Variants in MSANTD1 observed in about 807,000 individuals in gnomAD.
MSANTD1 encodes the protein myb/SANT-like DNA-binding domain-containing protein 1.
Under a neutral mutation model 24.2 loss-of-function variants are expected in MSANTD1, and 7 were observed. That is an observed-to-expected ratio of 0.29 (90% CI 0.16 to 0.54). The LOEUF is 0.54. MSANTD1 is among the 20% of genes least tolerant of loss of function. The probability of loss-of-function intolerance (pLI) is 0.94; values close to 1 mark genes in which losing one functional copy is unlikely to be tolerated. For missense variants in MSANTD1, 384 were observed against 408.2 expected (o/e 0.94, Z 0.51); for synonymous variants, 177 against 181.1 (o/e 0.98, Z 0.18).
chr4:3,253,059 G>T, intron 1 of MSANTD1, 148 bp from the exon 2 acceptor site: 1 of 704,190 alleles, frequency 1.4e-6, no homozygotes. Flanking sequence ...TGACCCTGGA[G>T]CCTGGCCGAT....
chr4:3,245,726 C>T (rs1578628254), upstream of MSANTD1, among the ~76,000 whole-genome samples: 1 of 152,360 alleles, frequency 6.6e-6, no homozygotes, highest in Non-Finnish European at 1.5e-5. Context: ...GCAGCCCCAG[C>T]AGCCTGGCTG....
At chr4:3,245,746 C>T (rs1722005681), upstream of MSANTD1, among the ~76,000 whole-genome samples, 1 of 152,228 alleles carries the variant, frequency 6.6e-6, no homozygotes, top group South Asian at 2.1e-4. Flanking sequence ...GCCTTTTGGG[C>T]AAGTGGCTTG....
At chr4:3,252,276 C>T (rs1406684580) in intron 1 of MSANTD1, among the ~76,000 whole-genome samples, 1 of 152,238 alleles carries the variant, frequency 6.6e-6, no homozygotes, top group Non-Finnish European at 1.5e-5. Context: ...CGCCATGGGG[C>T]CCTGTGTCTC....
chr4:3,250,919 C>G (rs80128902), intron 1 of MSANTD1, among the ~76,000 whole-genome samples: 2,828 of 152,372 alleles, frequency 0.019, 93 homozygotes, highest in African/African-American at 0.065. Context: ...CCGGACAGAC[C>G]GCCAGCCTGT....
chr4:3,255,995 G>T lies in MSANTD1; in HGVS notation c.*30G>T. The T allele has an allele frequency of 6.8e-7, 1 of 1,481,336 alleles. No individual in the cohort carries two copies. Among genetic ancestry groups the T allele is most frequent in the Non-Finnish European group, 8.9e-7 (1 of 1,117,814 alleles). 91.8% of individuals were successfully genotyped at this position (1,481,336 alleles called of 1,614,324 possible). Reference sequence around the variant, plus strand: ...GCAGGCGGCGGCGGCGGCGGGGCCGGGCGGCTGGTGGTACTGCTCAGGCCA... The same window carrying T: ...GCAGGCGGCGGCGGCGGCGGGGCCGTGCGGCTGGTGGTACTGCTCAGGCCA... On this transcript the variant is annotated 3_prime_UTR_variant, in exon 3 of 3. Coordinates refer to ENST00000438480, the MANE Select transcript of MSANTD1 (RefSeq NM_001042690.2).
In MSANTD1 at chr4:3,255,734, G is replaced by A; in HGVS notation, c.606G>A (p.Glu202=). 3 of 1,540,936 alleles carry A rather than the reference G, an allele frequency of 1.9e-6. No homozygotes were observed. The highest frequency in any genetic ancestry group is 2.6e-6 in the Non-Finnish European group (3 of 1,143,244). ...GGCACTGTCCTTCCAGGTCGGAGGA[G>A]CGGCCGGTGAAGAAGCGCAAGGTGC... is the stretch of plus-strand genomic sequence containing the variant. The part of the protein sequence containing the change: ...SLLSLKFRSE[E]RPVKKRKVQS... The change falls in exon 3 of 3, where the codon GAG becomes GAA. Residue 202 remains glutamate, a synonymous_variant. Coordinates refer to ENST00000438480, the MANE Select transcript of MSANTD1 (RefSeq NM_001042690.2).
At chr4:3,247,037 G>A (rs1000360138), upstream of MSANTD1, among the ~76,000 whole-genome samples, 2 of 152,142 alleles carry the variant, frequency 1.3e-5, no homozygotes, top group Admixed American at 1.3e-4. Context: ...GGCAGTGGTG[G>A]TGGTGTCCAC....
At chr4:3,253,977 T>TC (rs1367623937) in intron 2 of MSANTD1, among the ~76,000 whole-genome samples, 12 of 152,132 alleles carry the variant, frequency 7.9e-5, no homozygotes, top group Non-Finnish European at 1.5e-5. Flanking sequence ...GCATGACCCG[T>TC]CCCCTCTGCC....
chr4:3,247,422 T>G (rs1722064843), upstream of MSANTD1: 1 of 152,216 alleles, frequency 6.6e-6, no homozygotes. Flanking sequence ...GAAAGGGCAT[T>G]CGGACCGGTC....
intron 2 of MSANTD1, among the ~76,000 whole-genome samples, chr4:3,253,955 G>A (rs527480921): frequency 5.3e-5 from 8 of 152,198 alleles, no homozygotes; most frequent in African/African-American, 9.6e-5. Context: ...ACCTCATCAC[G>A]TGTTGCCGTG....
chr4:3,255,672 G>A, intron 2 of MSANTD1, 53 bp from the exon 3 acceptor site: 1 of 1,470,410 alleles, frequency 6.8e-7, no homozygotes, highest in Non-Finnish European at 9.0e-7. Flanking sequence ...TGAGGCCCCT[G>A]GTGTGCCCAG....
At chr4:3,247,430 G>A (rs1257904671), upstream of MSANTD1, 2 of 152,334 alleles carry the variant, frequency 1.3e-5, no homozygotes, top group East Asian at 3.9e-4. Flanking sequence ...ATTCGGACCG[G>A]TCCCTGACCT....
At chr4:3,247,694 G>C (rs990299875), upstream of MSANTD1, 3 of 152,406 alleles carry the variant, frequency 2.0e-5, no homozygotes, top group African/African-American at 7.2e-5. Flanking sequence ...CAGGGACCCA[G>C]TGTAGGGGGT....
chr4:3,255,184 G>A (rs1162276836), intron 2 of MSANTD1, among the ~76,000 whole-genome samples: 3 of 151,948 alleles, frequency 2.0e-5, no homozygotes, highest in African/African-American at 4.8e-5. Flanking sequence ...GGGGTCATCC[G>A]CTAGTCGCAA....
At chr4:3,255,702 C>T in intron 2 of MSANTD1, 23 bp from the exon 3 acceptor site, 1 of 1,508,782 alleles carries the variant, frequency 6.6e-7, no homozygotes, top group Non-Finnish European at 8.9e-7. Context: ...CCAGCACGTC[C>T]ACAGCCGGCA....
At position 3,256,164 on chromosome 4, in the gene MSANTD1, T is replaced by A; in HGVS notation, c.*199T>A. The A allele has an allele frequency of 1.7e-6, 1 of 579,136 alleles. No individual in the cohort carries two copies. The highest frequency in any genetic ancestry group is 2.8e-6 in the Non-Finnish European group (1 of 358,560). 35.9% of individuals were successfully genotyped at this position (579,136 alleles called of 1,614,324 possible). A position where few individuals can be genotyped will look rare whatever the true frequency, so the allele number is the denominator to read the frequency against. ...CCCTGGGGACCGTGAGGCTCCAGTC[T>A]CCAGCATGAATGCCCTTCCTCGGAC... On this transcript the variant is annotated 3_prime_UTR_variant, in exon 3 of 3. Coordinates refer to ENST00000438480, the MANE Select transcript of MSANTD1 (RefSeq NM_001042690.2).
Position 3,249,347 on chromosome 4 carries a change from G to T in MSANTD1, c.125G>T (p.Arg42Leu). The change falls in exon 1 of 3, where the codon CGG (arginine) becomes CTG (leucine). Residue 42 changes from arginine (R) to leucine (L), a missense_variant. Coordinates refer to ENST00000438480, the MANE Select transcript of MSANTD1 (RefSeq NM_001042690.2). ...TCTCCCCAGGCGGAGAAGCACCGGC[G>T]GGCCCGCAACTGGACGGACGCCGAG... ...LVSPQAEKHRRARNWTDAEMR... is the reference protein window; with the variant it reads ...LVSPQAEKHRLARNWTDAEMR... 1 of 1,555,086 alleles carries T rather than the reference G, an allele frequency of 6.4e-7. No individual in the cohort carries two copies. The highest frequency in any genetic ancestry group is 2.4e-5 in the East Asian group (1 of 41,510).
At chr4:3,246,269 A>G (rs1722024608), upstream of MSANTD1, among the ~76,000 whole-genome samples, 1 of 152,178 alleles carries the variant, frequency 6.6e-6, no homozygotes, top group Non-Finnish European at 1.5e-5. Context: ...CCATCTGCAC[A>G]GGCTGTGCTC....
chr4:3,249,331 G>T lies in MSANTD1; in HGVS notation c.109G>T (p.Ala37Ser). The T allele has an allele frequency of 6.4e-7, 1 of 1,553,344 alleles. No homozygotes were observed. The highest frequency in any genetic ancestry group is 8.7e-7 in the Non-Finnish European group (1 of 1,147,812). Residue 37 changes from alanine (A) to serine (S), a missense_variant, in exon 1 of 3, where the codon GCG (alanine) becomes TCG (serine). By Grantham distance (99) the Ala-to-Ser change is moderately conservative. Coordinates refer to ENST00000438480, the MANE Select transcript of MSANTD1 (RefSeq NM_001042690.2). ...EGPGYLVSPQ[A>S]EKHRRARNWT... ...GCCCGGCTACCTCGTGTCTCCCCAG[G>T]CGGAGAAGCACCGGCGGGCCCGCAA...
Sources: gnomAD v4.1 joint callset for allele counts (sites outside exome capture counted in the v4.1 genomes callset) on GRCh38, gnomAD v4.1.1 for gene constraint, MANE v1.5 for transcripts, NCBI Gene and HGNC (gene_info 2026-07-23, HGNC 2026-07-21) for gene names.